IGF2BP2: variants seen among roughly 807,000 people sequenced by gnomAD.
The protein encoded by IGF2BP2 is insulin like growth factor 2 mRNA binding protein 2.
Under a neutral mutation model 75.8 loss-of-function variants are expected in IGF2BP2, and 17 were observed. The ratio of observed to expected loss-of-function variants is 0.22; its 90% confidence interval spans 0.15 to 0.34. The LOEUF is 0.34. IGF2BP2 is among the 10% of genes least tolerant of loss of function. The pLI, the probability that IGF2BP2 is intolerant of heterozygous loss-of-function variation, is 1.00. For missense variants in IGF2BP2, 516 were observed against 772.4 expected (o/e 0.67, Z 3.93); for synonymous variants, 288 against 295.6 (o/e 0.97, Z 0.26).
chr3:185,824,113 G>A (rs1741719554), intron 1 of IGF2BP2, among the ~76,000 whole-genome samples: 1 of 152,042 alleles, frequency 6.6e-6, no homozygotes, highest in Admixed American at 6.5e-5. Context: ...GAGAGCAAGC[G>A]AGAGGGGACT....
intron 2 of IGF2BP2, among the ~76,000 whole-genome samples, chr3:185,723,992 C>T (rs1726954705): frequency 1.3e-5 from 2 of 152,174 alleles, no homozygotes; most frequent in Admixed American, 1.3e-4. Context: ...GAGACAAATC[C>T]AGCGCCAGAC....
chr3:185,792,202 A>T lies in IGF2BP2; in HGVS notation c.239+30951T>A, dbSNP rs1006615159. 4.6e-5 allele frequency among the ~76,000 whole-genome samples: 7 copies of T among 152,214 alleles called. No individual in the cohort carries two copies. In the East Asian group the frequency reaches 1.3e-3, roughly 29 times the overall value. ...CCTGTTAAAAAGTAGATGATTACTT[A>T]ATGGGTTCAGGTACCGTCAAATTAT... On this transcript the variant is annotated intron_variant, in intron 2 of 15. Transcript: ENST00000382199.
chr3:185,657,206 C>T, intron 12 of IGF2BP2, 80 bp downstream of exon 12: 2 of 924,338 alleles, frequency 2.2e-6, no homozygotes, highest in Non-Finnish European at 1.8e-6. Context: ...TGTGGCGCTG[C>T]CTGGGACTGA....
At chr3:185,751,197 T>A (rs921485270) in intron 2 of IGF2BP2, among the ~76,000 whole-genome samples, 17 of 152,144 alleles carry the variant, frequency 1.1e-4, no homozygotes, top group African/African-American at 3.1e-4. Context: ...AAAAATTGCT[T>A]CAAGTAACAT....
intron 2 of IGF2BP2, among the ~76,000 whole-genome samples, chr3:185,817,949 C>T (rs1286314298): frequency 6.6e-6 from 1 of 152,142 alleles, no homozygotes; most frequent in East Asian, 1.9e-4. Context: ...AGCATGAACT[C>T]TTTAAAAATT....
intron 2 of IGF2BP2, among the ~76,000 whole-genome samples, chr3:185,706,966 T>C (rs1724109903): frequency 1.3e-5 from 2 of 152,110 alleles, no homozygotes; most frequent in African/African-American, 4.8e-5. Flanking sequence ...GATCTCAAAC[T>C]CTTGGGCTCA....
chr3:185,758,705 T>C (rs1731958864), intron 2 of IGF2BP2, among the ~76,000 whole-genome samples: 1 of 152,218 alleles, frequency 6.6e-6, no homozygotes, highest in Non-Finnish European at 1.5e-5. Flanking sequence ...AAAACTATCT[T>C]ATGCCTTAGA....
intron 2 of IGF2BP2, among the ~76,000 whole-genome samples, chr3:185,755,656 G>A (rs1477568917): frequency 2.0e-5 from 3 of 152,206 alleles, no homozygotes; most frequent in Non-Finnish European, 4.4e-5. Context: ...CAAGATGTGG[G>A]ACATGGAGTT....
In IGF2BP2 at chr3:185,780,161, A is replaced by G. The variant is rs141227692; in HGVS notation, c.239+42992T>C. 2.2e-3 allele frequency among the ~76,000 whole-genome samples: 338 copies of G among 152,326 alleles called. 2 individuals are homozygous for G. Among genetic ancestry groups the G allele is most frequent in the African/African-American group, 7.6e-3 (316 of 41,576 alleles). On this transcript the variant is annotated intron_variant, in intron 2 of 15. Coordinates refer to ENST00000382199, the MANE Select transcript of IGF2BP2 (RefSeq NM_006548.6). ...AAAAGAAAAGAAACACAAATGCCTC[A>G]TTATATATTCTCTCTGGATACATAT... is the stretch of plus-strand genomic sequence containing the variant.
At chr3:185,692,895 T>C (rs1448279620) in intron 4 of IGF2BP2, 133 bp from the exon 5 acceptor site, 2 of 711,284 alleles carry the variant, frequency 2.8e-6, no homozygotes, top group African/African-American at 1.8e-5. Flanking sequence ...TCTGCATCTC[T>C]ACGTTTATTC....
At chr3:185,649,331 C>A (rs1714158430) in intron 14 of IGF2BP2, 72 bp downstream of exon 14, 2 of 1,580,836 alleles carry the variant, frequency 1.3e-6, no homozygotes, top group African/African-American at 2.7e-5. Context: ...CAAGGGGAGA[C>A]TGAGGGAACT....
At chr3:185,823,367 A>G (rs1032059555) in intron 1 of IGF2BP2, 154 bp from the exon 2 acceptor site, 6 of 506,558 alleles carry the variant, frequency 1.2e-5, no homozygotes, top group Non-Finnish European at 2.1e-5. Context: ...CTTGGTTCCC[A>G]GTAGAAAGAA....
At chr3:185,763,692 A>C (rs912242788) in intron 2 of IGF2BP2, among the ~76,000 whole-genome samples, 6 of 152,266 alleles carry the variant, frequency 3.9e-5, no homozygotes, top group Admixed American at 3.9e-4. Flanking sequence ...AATCTGTAAC[A>C]GACAGCCAAG....
chr3:185,713,774 C>T (rs1725177504), intron 2 of IGF2BP2, among the ~76,000 whole-genome samples: 1 of 152,210 alleles, frequency 6.6e-6, no homozygotes, highest in Non-Finnish European at 1.5e-5. Flanking sequence ...AATCTCAGCT[C>T]ACTGAAACCT....
chr3:185,662,265 G>A (rs1416334812), intron 10 of IGF2BP2, among the ~76,000 whole-genome samples: 1 of 151,988 alleles, frequency 6.6e-6, no homozygotes, highest in Non-Finnish European at 1.5e-5. Flanking sequence ...ATCGCTTGAG[G>A]TCAGGAGTTC....
rs1713038037 is a variant in IGF2BP2 at position 185,643,781 on chromosome 3, T to TTC, written c.*1749_*1750insGA. The TTC allele has an allele frequency of 2.1e-5, 3 of 139,660 alleles. No homozygotes were observed. Among genetic ancestry groups the TTC allele is most frequent in the African/African-American group, 8.4e-5 (3 of 35,804 alleles). The allele number at this position is 139,660 out of a possible 1,614,324, so 8.7% of individuals were successfully genotyped here. Reference sequence around the variant, plus strand: ...ATTTCTGTTTTTTCTTTTTTTTTCTTTTTTTTTTTTTTTTTTTTGTCACAG... The same window carrying TTC: ...ATTTCTGTTTTTTCTTTTTTTTTCTTTCTTTTTTTTTTTTTTTTTTGTCACAG... On this transcript the variant is annotated 3_prime_UTR_variant, in exon 16 of 16. Transcript: ENST00000382199.
chr3:185,686,948 G>T, intron 7 of IGF2BP2, 109 bp downstream of exon 7: 1 of 1,236,372 alleles, frequency 8.1e-7, no homozygotes, highest in South Asian at 1.4e-5. Flanking sequence ...CCCTGCCTCT[G>T]TTACTGAGTA....
At chr3:185,653,637 G>A (rs1714965403) in intron 12 of IGF2BP2, among the ~76,000 whole-genome samples, 1 of 151,810 alleles carries the variant, frequency 6.6e-6, no homozygotes, top group East Asian at 1.9e-4. Context: ...TAAAATGAGT[G>A]CACATCAGGC....
chr3:185,792,902 C>CAA (rs1312694178), intron 2 of IGF2BP2, among the ~76,000 whole-genome samples: 1 of 152,096 alleles, frequency 6.6e-6, no homozygotes, highest in Non-Finnish European at 1.5e-5. Flanking sequence ...CCACACCACA[C>CAA]AAGACCCTCT....
Sources: gnomAD v4.1 joint callset for allele counts (sites outside exome capture counted in the v4.1 genomes callset) on GRCh38, gnomAD v4.1.1 for gene constraint, MANE v1.5 for transcripts, NCBI Gene and HGNC (gene_info 2026-07-23, HGNC 2026-07-21) for gene names.